Variants in DUSP22 observed in about 807,000 individuals in gnomAD.
DUSP22 encodes dual specificity protein phosphatase 22.
Under a neutral mutation model 24.5 loss-of-function variants are expected in DUSP22, and 24 were observed. The observed-to-expected ratio is 0.98, with a 90% CI of 0.71 to 1.38. The LOEUF is 1.38. DUSP22 is among the 40% of genes most tolerant of loss of function. The pLI is 0.00. For synonymous variants in DUSP22, 160 were observed against 106.4 expected (o/e 1.50, Z -3.10); for missense variants, 330 against 269.2 (o/e 1.23, Z -1.58).
chr6:297,946 C>G (rs1486863662), intron 1 of DUSP22, among the ~76,000 whole-genome samples: 1 of 152,310 alleles, frequency 6.6e-6, no homozygotes, highest in African/African-American at 2.4e-5. Context: ...GTGTTAGATC[C>G]TGTAGTGAGC....
At chr6:306,523 T>C (rs1757819640) in intron 2 of DUSP22, among the ~76,000 whole-genome samples, 1 of 152,306 alleles carries the variant, frequency 6.6e-6, no homozygotes, top group African/African-American at 2.4e-5. Flanking sequence ...TCCTTGTTCA[T>C]AGGGTTAATG....
At position 335,265 on chromosome 6, in the gene DUSP22, G is replaced by A. The variant is rs111233466; in HGVS notation, c.188+102G>A. The A allele has an allele frequency of 4.1e-6, 6 of 1,457,014 alleles. No individual in the cohort carries two copies. The African/African-American group carries it at 6.9e-5, about 17-fold the overall frequency. 90.3% of individuals were successfully genotyped at this position (1,457,014 alleles called of 1,614,324 possible). A position where few individuals can be genotyped will look rare whatever the true frequency, so the allele number is the denominator to read the frequency against. Reference sequence around the variant, plus strand: ...GACTGTGAAGTTGTCAGAGCTCACGGGACCCTTGCTGACCCTGCCAGGGAA... The same window carrying A: ...GACTGTGAAGTTGTCAGAGCTCACGAGACCCTTGCTGACCCTGCCAGGGAA... On this transcript the variant is annotated intron_variant, in intron 4 of 6. Coordinates refer to ENST00000419235, the MANE Select transcript of DUSP22 (RefSeq NM_001286555.3).
intron 1 of DUSP22, among the ~76,000 whole-genome samples, chr6:298,888 A>G (rs1284155924): frequency 6.6e-6 from 1 of 152,304 alleles, no homozygotes; most frequent in Non-Finnish European, 1.5e-5. Context: ...GTCCGAAAGT[A>G]AGGAAATGAA....
At chr6:300,334 C>A (rs1215032390) in intron 1 of DUSP22, among the ~76,000 whole-genome samples, 1 of 152,302 alleles carries the variant, frequency 6.6e-6, no homozygotes, top group Non-Finnish European at 1.5e-5. Context: ...TGAAAGGTCT[C>A]CCTTGCCAAG....
chr6:343,029 G>T (rs941798453), intron 4 of DUSP22, among the ~76,000 whole-genome samples: 1 of 150,012 alleles, frequency 6.7e-6, no homozygotes, highest in Non-Finnish European at 1.5e-5. Context: ...GGCTCCCTTC[G>T]TGCCCCACTC....
At position 349,127 on chromosome 6, in the gene DUSP22, G is replaced by A. The variant is rs951293615; in HGVS notation, c.*176G>A. 54 of 1,440,658 alleles carry A rather than the reference G, an allele frequency of 3.7e-5. No individual in the cohort carries two copies. The highest frequency in any genetic ancestry group is 7.5e-5 in the East Asian group (3 of 39,858). The allele number at this position is 1,440,658 out of a possible 1,614,324, so 89.2% of individuals were successfully genotyped here. ...GCCCTGCTCCAGGCCCCTGCACTCC[G>A]CCCACCCCTACCCTGGCTGCACCTG... On this transcript the variant is annotated 3_prime_UTR_variant, in exon 7 of 7. Transcript: ENST00000419235.
chr6:319,705 T>C (rs1050269577), intron 3 of DUSP22, among the ~76,000 whole-genome samples: 1 of 152,312 alleles, frequency 6.6e-6, no homozygotes, highest in Admixed American at 6.5e-5. Flanking sequence ...TCCAAGTCTT[T>C]TGAAAACCAG....
chr6:306,390 CTT>C (rs1379310908), intron 2 of DUSP22, among the ~76,000 whole-genome samples: 103 of 152,362 alleles, frequency 6.8e-4, no homozygotes, highest in African/African-American at 2.2e-3. Flanking sequence ...ATTTAAAACT[CTT>C]TTCACACTAC....
At chr6:312,634 G>A (rs1343303571) in intron 3 of DUSP22, among the ~76,000 whole-genome samples, 1 of 152,298 alleles carries the variant, frequency 6.6e-6, no homozygotes. Flanking sequence ...GTGTGGTTGT[G>A]ATGTGTATGT....
intron 5 of DUSP22, 80 bp from the exon 6 acceptor site, chr6:348,023 T>A (rs1347128877): frequency 6.4e-7 from 1 of 1,573,156 alleles, no homozygotes; most frequent in African/African-American, 1.3e-5. Flanking sequence ...GTCCTTAGAG[T>A]CCCCCGCTCC....
intron 2 of DUSP22, among the ~76,000 whole-genome samples, chr6:306,872 G>A (rs1757834202): frequency 6.6e-6 from 1 of 152,310 alleles, no homozygotes; most frequent in Admixed American, 6.5e-5. Flanking sequence ...ACCTGGGGGT[G>A]TAGACTGGGA....
intron 1 of DUSP22, among the ~76,000 whole-genome samples, chr6:296,566 C>A (rs1003203939): frequency 1.3e-4 from 19 of 151,028 alleles, no homozygotes; most frequent in African/African-American, 4.2e-4. Flanking sequence ...TTGAAAACTC[C>A]TAGTTGACTC....
intron 1 of DUSP22, among the ~76,000 whole-genome samples, chr6:296,272 G>A (rs1183375731): frequency 2.6e-5 from 4 of 152,298 alleles, no homozygotes; most frequent in Non-Finnish European, 1.5e-5. Flanking sequence ...ATGAGTTTAT[G>A]GTGTGTTTTG....
At chr6:308,695 A>T (rs375662048) in intron 2 of DUSP22, among the ~76,000 whole-genome samples, 1 of 152,306 alleles carries the variant, frequency 6.6e-6, no homozygotes, top group Non-Finnish European at 1.5e-5. Flanking sequence ...AAAATGTTCT[A>T]AAGTTATATA....
intron 4 of DUSP22, among the ~76,000 whole-genome samples, chr6:339,753 C>T (rs1258061146): frequency 6.6e-6 from 1 of 152,304 alleles, no homozygotes; most frequent in Non-Finnish European, 1.5e-5. Flanking sequence ...ACGTCCTTGC[C>T]TTATTCTATC....
intron 1 of DUSP22, among the ~76,000 whole-genome samples, chr6:302,981 A>T (rs562455500): frequency 1.3e-5 from 2 of 152,414 alleles, no homozygotes; most frequent in Admixed American, 1.3e-4. Flanking sequence ...CTCGCACTGG[A>T]CTCGGTCGGG....
intron 6 of DUSP22, 149 bp from the exon 7 acceptor site, chr6:348,620 G>A (rs1318936298): frequency 9.5e-6 from 13 of 1,374,556 alleles, no homozygotes; most frequent in Non-Finnish European, 1.3e-5. Flanking sequence ...ACCCTGGCTG[G>A]CCAACCACAG....
At chr6:311,596 T>C (rs941861904) in intron 2 of DUSP22, among the ~76,000 whole-genome samples, 1 of 152,278 alleles carries the variant, frequency 6.6e-6, no homozygotes, top group African/African-American at 2.4e-5. Flanking sequence ...AGGAGAATTG[T>C]GTGAACCCGG....
chr6:345,753 A>T (rs892233204), intron 4 of DUSP22, 101 bp from the exon 5 acceptor site: 2 of 1,428,200 alleles, frequency 1.4e-6, no homozygotes, highest in Admixed American at 2.1e-5. Context: ...ATACAAAAAA[A>T]TCAATTAACA....
Sources: allele counts gnomAD v4.1 joint callset (sites outside exome capture counted in the v4.1 genomes callset), GRCh38; gene constraint gnomAD v4.1.1; transcripts MANE v1.5; gene names NCBI Gene and HGNC (gene_info 2026-07-23, HGNC 2026-07-21).